The following FOXP2 variants were observed in gnomAD, a reference collection of about 807,000 sequenced individuals.
FOXP2 encodes the protein forkhead box protein P2.
A neutral mutation model predicts 115.8 loss-of-function variants in FOXP2; 12 were observed. That is an observed-to-expected ratio of 0.10 (90% CI 0.07 to 0.17). FOXP2 has a LOEUF of 0.17. Ranked by LOEUF, FOXP2 falls within the 10% of genes least tolerant of loss-of-function variation. The probability of loss-of-function intolerance (pLI) is 1.00; values close to 1 mark genes in which losing one functional copy is unlikely to be tolerated. For synonymous variants in FOXP2, 328 were observed against 297.7 expected (o/e 1.10, Z -1.05); for missense variants, 629 against 843.5 (o/e 0.75, Z 3.15).
At chr7:114,202,675 TA>T (rs1446067524) in intron 1 of FOXP2, among the ~76,000 whole-genome samples, 1 of 152,208 alleles carries the variant, frequency 6.6e-6, no homozygotes, top group East Asian at 1.9e-4. Context: ...GAAGTGGGTT[TA>T]AATCATGCCT....
Position 114,091,886 on chromosome 7 carries a change from G to C in FOXP2, c.-247+4048G>C, listed in dbSNP as rs192275168. Reference sequence around the variant, plus strand: ...TTGATTATTGAAATACACATTCTTGGACCTGTACTCAACTACTGCTTGAAT... The same window carrying C: ...TTGATTATTGAAATACACATTCTTGCACCTGTACTCAACTACTGCTTGAAT... On this transcript the variant is annotated intron_variant, in intron 1 of 19. Coordinates refer to the FOXP2 transcript ENST00000635638. 1.6e-4 allele frequency among the ~76,000 whole-genome samples: 25 copies of C among 151,932 alleles called. No individual in the cohort carries two copies. The East Asian group carries it at 4.6e-3, about 28-fold the overall frequency.
At chr7:114,595,094 T>C (rs1209495704) in intron 3 of FOXP2, among the ~76,000 whole-genome samples, 1 of 152,014 alleles carries the variant, frequency 6.6e-6, no homozygotes, top group Admixed American at 6.6e-5. Flanking sequence ...ACATTCTTAA[T>C]AAGGAAAAGG....
chr7:114,566,954 A>G (rs951682404), intron 3 of FOXP2, among the ~76,000 whole-genome samples: 1 of 152,000 alleles, frequency 6.6e-6, no homozygotes, highest in South Asian at 2.1e-4. Flanking sequence ...TTTTCTTACA[A>G]GTCATTTCAC....
intron 2 of FOXP2, among the ~76,000 whole-genome samples, chr7:114,404,492 A>C (rs544910385): frequency 1.3e-5 from 2 of 152,228 alleles, no homozygotes; most frequent in East Asian, 3.9e-4. Context: ...ACATAAACCT[A>C]TTCTCCTTCA....
chr7:114,366,800 T>C (rs1716568193), intron 2 of FOXP2, among the ~76,000 whole-genome samples: 1 of 152,176 alleles, frequency 6.6e-6, no homozygotes, highest in Non-Finnish European at 1.5e-5. Flanking sequence ...TAGATGCCAT[T>C]TATAAGATAT....
At chr7:114,529,741 C>T (rs1562979042) in intron 2 of FOXP2, among the ~76,000 whole-genome samples, 1 of 151,662 alleles carries the variant, frequency 6.6e-6, no homozygotes, top group African/African-American at 2.4e-5. Flanking sequence ...TGATAGATTG[C>T]TATTTGAAAA....
chr7:114,172,716 T>C (rs566781175), intron 1 of FOXP2, among the ~76,000 whole-genome samples: 1 of 152,254 alleles, frequency 6.6e-6, no homozygotes, highest in Admixed American at 6.5e-5. Context: ...TGAGTTGTCA[T>C]CTTTATTTCA....
At chr7:114,182,006 A>G (rs1793468146) in intron 1 of FOXP2, among the ~76,000 whole-genome samples, 1 of 152,066 alleles carries the variant, frequency 6.6e-6, no homozygotes, top group African/African-American at 2.4e-5. Flanking sequence ...AAGGGCAAAT[A>G]TATATCATAT....
intron 2 of FOXP2, among the ~76,000 whole-genome samples, chr7:114,377,368 GC>G (rs1792166389): frequency 6.6e-6 from 1 of 152,124 alleles, no homozygotes; most frequent in South Asian, 2.1e-4. Context: ...AGCAGACATT[GC>G]CAACTCCCAC....
intron 3 of FOXP2, among the ~76,000 whole-genome samples, chr7:114,555,856 T>C (rs948830940): frequency 6.6e-6 from 1 of 151,816 alleles, no homozygotes; most frequent in African/African-American, 2.4e-5. Context: ...GAAAGTTACA[T>C]GGCTCCACCA....
chr7:114,641,402 G>C (rs1424922925), intron 6 of FOXP2, among the ~76,000 whole-genome samples: 1 of 152,068 alleles, frequency 6.6e-6, no homozygotes, highest in Admixed American at 6.5e-5. Flanking sequence ...CCTGAATCAG[G>C]GAATTGTTTA....
intron 1 of FOXP2, among the ~76,000 whole-genome samples, chr7:114,224,256 G>A (rs1794694063): frequency 6.6e-6 from 1 of 152,116 alleles, no homozygotes; most frequent in East Asian, 1.9e-4. Context: ...TTCCAAGGCT[G>A]TTGCTTTTTT....
At chr7:114,112,855 C>T (rs1045143548) in intron 1 of FOXP2, among the ~76,000 whole-genome samples, 14 of 152,072 alleles carry the variant, frequency 9.2e-5, no homozygotes, top group African/African-American at 3.4e-4. Context: ...CTCTTTCTTC[C>T]TCACCCTTAA....
intron 1 of FOXP2, among the ~76,000 whole-genome samples, chr7:114,143,230 G>T (rs1299245255): frequency 6.6e-6 from 1 of 151,338 alleles, no homozygotes; most frequent in African/African-American, 2.4e-5. Context: ...GTGTCCCACA[G>T]TATCTCCGAA....
At position 114,693,543 on chromosome 7, in the gene FOXP2, A is replaced by T; in HGVS notation, c.*3617A>T. On this transcript the variant is annotated 3_prime_UTR_variant, in exon 17 of 17. Transcript: ENST00000350908. ...AAAGCTATTGAAAGGAACATGGCTT[A>T]CCCTTGTTATTTCACTAGTTCAGGT... The T allele has an allele frequency of 2.2e-6, 1 of 453,336 alleles. No individual in the cohort carries two copies. Among genetic ancestry groups the T allele is most frequent in the South Asian group, 1.6e-5 (1 of 64,310 alleles). The allele number at this position is 453,336 out of a possible 1,614,324, so 28.1% of individuals were successfully genotyped here. A position where few individuals can be genotyped will look rare whatever the true frequency, so the allele number is the denominator to read the frequency against.
At chr7:114,345,312 A>T (rs1791320817) in intron 2 of FOXP2, among the ~76,000 whole-genome samples, 1 of 151,752 alleles carries the variant, frequency 6.6e-6, no homozygotes, top group Admixed American at 6.6e-5. Context: ...GGCATGAGGG[A>T]AATCATTTTA....
At chr7:114,176,623 C>T (rs978502271) in intron 1 of FOXP2, among the ~76,000 whole-genome samples, 1 of 151,188 alleles carries the variant, frequency 6.6e-6, no homozygotes, top group African/African-American at 2.4e-5. Context: ...GTTGGGATTA[C>T]AGGCATGAGC....
chr7:114,232,533 G>A (rs188644184), intron 1 of FOXP2, among the ~76,000 whole-genome samples: 1 of 152,136 alleles, frequency 6.6e-6, no homozygotes, highest in Admixed American at 6.5e-5. Flanking sequence ...TGTTTAGCAG[G>A]CCCGGCAGGG....
chr7:114,236,507 T>C (rs1437193682), intron 1 of FOXP2, among the ~76,000 whole-genome samples: 2 of 152,258 alleles, frequency 1.3e-5, no homozygotes, highest in African/African-American at 4.8e-5. Flanking sequence ...ATTGTAAATG[T>C]ATAGCTATAG....
Sources: gnomAD v4.1 joint callset for allele counts (sites outside exome capture counted in the v4.1 genomes callset) on GRCh38, gnomAD v4.1.1 for gene constraint, MANE v1.5 for transcripts, NCBI Gene and HGNC (gene_info 2026-07-23, HGNC 2026-07-21) for gene names.